The following PHACTR4 variants were observed in gnomAD, a reference collection of about 807,000 sequenced individuals.
PHACTR4 encodes the protein protein phosphatase 1, regulatory subunit 124.
A neutral mutation model predicts 72.7 loss-of-function variants in PHACTR4; 51 were observed. The ratio of observed to expected loss-of-function variants is 0.70; its 90% CI spans 0.56 to 0.89. PHACTR4 has a LOEUF of 0.89. Among genes scored for constraint, PHACTR4 ranks in the 40% least tolerant of loss-of-function variants. The pLI is 0.00. For synonymous variants in PHACTR4, 255 were observed against 302.5 expected, an observed-to-expected ratio of 0.84 and a Z score of 1.63; for missense variants, 731 against 861.8, an observed-to-expected ratio of 0.85 and a Z score of 1.90.
At chr1:28,396,771 G>A (rs541027970) in intron 1 of PHACTR4, among the ~76,000 whole-genome samples, 112 of 148,950 alleles carry the variant, frequency 7.5e-4, no homozygotes, top group Non-Finnish European at 1.4e-3. Context: ...CGATTCTCCT[G>A]CCTCAGCCTC....
intron 1 of PHACTR4, among the ~76,000 whole-genome samples, chr1:28,389,619 G>A (rs1010557529): frequency 2.6e-5 from 4 of 151,798 alleles, no homozygotes; most frequent in East Asian, 3.9e-4. Flanking sequence ...CTGGGACGAC[G>A]GGCGCGTGCC....
At chr1:28,427,396 C>T (rs1348518495) in intron 2 of PHACTR4, among the ~76,000 whole-genome samples, 2 of 151,926 alleles carry the variant, frequency 1.3e-5, no homozygotes, top group Non-Finnish European at 2.9e-5. Flanking sequence ...CATGGTGGTG[C>T]GCACCTGTAA....
chr1:28,440,307 G>GAA (rs1206889147), intron 2 of PHACTR4, among the ~76,000 whole-genome samples: 19 of 82,144 alleles, frequency 2.3e-4, no homozygotes, highest in South Asian at 1.2e-3. Context: ...GTCTCAAAAA[G>GAA]AAAAAAAAAA....
intron 11 of PHACTR4, 31 bp downstream of exon 11, chr1:28,491,043 A>G (rs766643105): frequency 6.3e-7 from 1 of 1,590,718 alleles, no homozygotes; most frequent in Non-Finnish European, 8.6e-7. Context: ...AGTTAACTAT[A>G]TGTGTTATAT....
At chr1:28,470,398 AAAAAG>A (rs1659487178) in intron 6 of PHACTR4, among the ~76,000 whole-genome samples, 1 of 151,988 alleles carries the variant, frequency 6.6e-6, no homozygotes, top group Non-Finnish European at 1.5e-5. Context: ...GTCTCTAAAA[AAAAAG>A]AAAAGGCTAG....
chr1:28,471,205 C>G (rs903415171), intron 6 of PHACTR4, among the ~76,000 whole-genome samples: 9 of 151,852 alleles, frequency 5.9e-5, no homozygotes, highest in African/African-American at 2.2e-4. Flanking sequence ...AAAAATTAGC[C>G]GGGCGTGGTG....
At chr1:28,419,684 G>A (rs181501977) in intron 2 of PHACTR4, among the ~76,000 whole-genome samples, 73 of 152,192 alleles carry the variant, frequency 4.8e-4, no homozygotes, top group African/African-American at 1.6e-3. Flanking sequence ...GCTTATCTTT[G>A]TAGATGGGAA....
intron 1 of PHACTR4, among the ~76,000 whole-genome samples, chr1:28,391,599 C>CTTT (rs751801605): frequency 2.5e-4 from 25 of 98,796 alleles, no homozygotes; most frequent in East Asian, 5.8e-4. Flanking sequence ...AAAATATATT[C>CTTT]TTTTTTTTTT....
At chr1:28,374,962 C>T (rs1290766500) in intron 1 of PHACTR4, among the ~76,000 whole-genome samples, 1 of 152,186 alleles carries the variant, frequency 6.6e-6, no homozygotes. Context: ...TATTTGGATA[C>T]ATTATTCGCT....
At chr1:28,431,178 C>CAA (rs1297297050) in intron 2 of PHACTR4, among the ~76,000 whole-genome samples, 6 of 79,578 alleles carry the variant, frequency 7.5e-5, no homozygotes, top group African/African-American at 2.9e-4. Context: ...GACTCCATCT[C>CAA]AAAAAAAAAA....
rs545082027 is a variant in PHACTR4 at position 28,380,821 on chromosome 1, T to G, written c.-39+10996T>G. 5.3e-3 allele frequency among the ~76,000 whole-genome samples: 809 copies of G among 152,172 alleles called. 2 individuals are homozygous for G. Among genetic ancestry groups the G allele is most frequent in the Middle Eastern group, 0.014 (4 of 294 alleles). ...AGTGAACATATGTGTGCATATGTCTTTATAATAGAATGATTTATATTCCTT... is the reference window on the plus strand; with the variant it reads ...AGTGAACATATGTGTGCATATGTCTGTATAATAGAATGATTTATATTCCTT... On this transcript the variant is annotated intron_variant, in intron 1 of 13. Coordinates refer to ENST00000373839, the MANE Select transcript of PHACTR4 (RefSeq NM_001048183.3).
At chr1:28,393,412 A>G in intron 1 of PHACTR4, among the ~76,000 whole-genome samples, 1 of 152,190 alleles carries the variant, frequency 6.6e-6, no homozygotes. Flanking sequence ...ACTTCTGTCA[A>G]TGCTGGACTG....
chr1:28,463,324 A>G (rs1467475858), intron 4 of PHACTR4, among the ~76,000 whole-genome samples: 2 of 151,590 alleles, frequency 1.3e-5, no homozygotes, highest in African/African-American at 4.9e-5. Context: ...TTAAAGCCCC[A>G]TAGTACTACT....
chr1:28,442,079 T>A (rs1657076432), intron 2 of PHACTR4, among the ~76,000 whole-genome samples: 1 of 152,244 alleles, frequency 6.6e-6, no homozygotes, highest in Non-Finnish European at 1.5e-5. Flanking sequence ...AATTCTTTAC[T>A]ATGTGTCATA....
chr1:28,438,553 T>C lies in PHACTR4; in HGVS notation c.17-20532T>C, dbSNP rs1433355087. Reference sequence around the variant, plus strand: ...TTGATGATCCCAACTTTGAAATGTTTATGTTTGTGAAGAATGAATGAAGTC... The same window carrying C: ...TTGATGATCCCAACTTTGAAATGTTCATGTTTGTGAAGAATGAATGAAGTC... On this transcript the variant is annotated intron_variant, in intron 2 of 13. Coordinates refer to ENST00000373839, the MANE Select transcript of PHACTR4 (RefSeq NM_001048183.3). The C allele has an allele frequency of 2.8e-6, 3 of 1,059,256 alleles. No homozygotes were observed. The African/African-American group carries it at 4.8e-5, about 17-fold the overall frequency. 65.6% of individuals were successfully genotyped at this position (1,059,256 alleles called of 1,614,324 possible).
intron 1 of PHACTR4, among the ~76,000 whole-genome samples, chr1:28,398,510 A>G (rs1653694342): frequency 6.6e-6 from 1 of 150,518 alleles, no homozygotes; most frequent in South Asian, 2.1e-4. Flanking sequence ...AACAGAGTAG[A>G]CAGACCCTGT....
At chr1:28,371,984 C>A (rs575675532) in intron 1 of PHACTR4, among the ~76,000 whole-genome samples, 2 of 151,856 alleles carry the variant, frequency 1.3e-5, no homozygotes, top group African/African-American at 4.8e-5. Context: ...TGGTTTCAAG[C>A]GATTCTCCTG....
At chr1:28,446,375 G>A (rs565023925) in intron 2 of PHACTR4, among the ~76,000 whole-genome samples, 3 of 152,292 alleles carry the variant, frequency 2.0e-5, no homozygotes, top group Admixed American at 2.0e-4. Context: ...CCCCAGTGTT[G>A]GAAGTGGGAC....
chr1:28,474,385 G>A (rs1032660786), intron 7 of PHACTR4, among the ~76,000 whole-genome samples: 31 of 151,744 alleles, frequency 2.0e-4, no homozygotes, highest in African/African-American at 7.5e-4. Flanking sequence ...TTGGCCAGGC[G>A]TGGTGGCACA....
Sources: allele counts gnomAD v4.1 joint callset (sites outside exome capture counted in the v4.1 genomes callset), GRCh38; gene constraint gnomAD v4.1.1; transcripts MANE v1.5; gene names NCBI Gene and HGNC (gene_info 2026-07-23, HGNC 2026-07-21).